DPYD: variants seen among roughly 807,000 people sequenced by gnomAD.
The protein encoded by DPYD is dihydropyrimidine dehydrogenase.
Under a neutral mutation model 116.2 loss-of-function variants are expected in DPYD, and 109 were observed. The observed-to-expected ratio is 0.94, with a 90% CI of 0.80 to 1.10. DPYD has a LOEUF of 1.10. Among genes scored for constraint, DPYD ranks in the 50% least tolerant of loss-of-function variants. The pLI, the probability that DPYD is intolerant of heterozygous loss-of-function variation, is 0.00. For synonymous variants in DPYD, 440 were observed against 432.0 expected (o/e 1.02, Z -0.23); for missense variants, 1,302 against 1,254.5 (o/e 1.04, Z -0.57).
chr1:97,615,816 C>G (rs1162605164), intron 8 of DPYD, among the ~76,000 whole-genome samples: 1 of 152,134 alleles, frequency 6.6e-6, no homozygotes, highest in Non-Finnish European at 1.5e-5. Context: ...CCCCCAACCC[C>G]TTCAGCAATT....
chr1:97,831,912 T>G (rs1669553582), intron 2 of DPYD, among the ~76,000 whole-genome samples: 1 of 152,106 alleles, frequency 6.6e-6, no homozygotes, highest in Admixed American at 6.6e-5. Flanking sequence ...AGGTACTAAA[T>G]TTAATGCCGA....
At chr1:97,579,764 C>A (rs902420838) in intron 10 of DPYD, among the ~76,000 whole-genome samples, 1 of 152,160 alleles carries the variant, frequency 6.6e-6, no homozygotes, top group African/African-American at 2.4e-5. Context: ...AGCAAACATG[C>A]CAACCTCTCT....
intron 2 of DPYD, among the ~76,000 whole-genome samples, chr1:97,866,102 C>T (rs1292222646): frequency 2.6e-5 from 4 of 151,904 alleles, no homozygotes; most frequent in Admixed American, 1.3e-4. Flanking sequence ...AGATAACTTC[C>T]TTACTTAGCA....
chr1:97,740,738 T>C (rs1664219779), intron 3 of DPYD, among the ~76,000 whole-genome samples: 1 of 152,188 alleles, frequency 6.6e-6, no homozygotes, highest in African/African-American at 2.4e-5. Flanking sequence ...AAGAGAATCA[T>C]ACTTATTTAG....
At chr1:97,507,428 C>T (rs957416299) in intron 13 of DPYD, among the ~76,000 whole-genome samples, 6 of 150,560 alleles carry the variant, frequency 4.0e-5, no homozygotes, top group African/African-American at 1.2e-4. Context: ...AAAAATAATG[C>T]ACTGGACTAT....
chr1:97,389,833 G>A (rs1213440634), intron 14 of DPYD, among the ~76,000 whole-genome samples: 1 of 147,424 alleles, frequency 6.8e-6, no homozygotes, highest in Non-Finnish European at 1.5e-5. Context: ...GTATCTCAAA[G>A]GTGAAAAACA....
intron 16 of DPYD, among the ~76,000 whole-genome samples, chr1:97,332,798 T>C (rs1669081315): frequency 6.6e-6 from 1 of 152,130 alleles, no homozygotes; most frequent in Non-Finnish European, 1.5e-5. Context: ...ATAATCTAAA[T>C]CTCTGAGAGT....
intron 13 of DPYD, among the ~76,000 whole-genome samples, chr1:97,510,962 G>T (rs1442477586): frequency 6.6e-6 from 1 of 151,794 alleles, no homozygotes; most frequent in African/African-American, 2.4e-5. Context: ...AGCCATCTCC[G>T]CAATTATAGC....
intron 1 of DPYD, among the ~76,000 whole-genome samples, chr1:97,913,345 T>C (rs972162548): frequency 6.6e-6 from 1 of 152,248 alleles, no homozygotes; most frequent in Non-Finnish European, 1.5e-5. Flanking sequence ...TTCCTTAATA[T>C]GAACACACAC....
At chr1:97,222,943 G>A (rs980914212) in intron 19 of DPYD, among the ~76,000 whole-genome samples, 4 of 151,972 alleles carry the variant, frequency 2.6e-5, no homozygotes, top group Admixed American at 2.6e-4. Flanking sequence ...AAAATTAGAA[G>A]TTATTGAATA....
chr1:97,271,685 G>C (rs1664590982), intron 18 of DPYD, among the ~76,000 whole-genome samples: 2 of 152,176 alleles, frequency 1.3e-5, no homozygotes, highest in African/African-American at 4.8e-5. Context: ...TAAATATATA[G>C]ATCATTTTCA....
intron 2 of DPYD, among the ~76,000 whole-genome samples, chr1:97,843,888 T>C (rs1670162168): frequency 6.6e-6 from 1 of 152,210 alleles, no homozygotes; most frequent in Admixed American, 6.5e-5. Context: ...AATATCTTTT[T>C]AAAATATGAA....
intron 14 of DPYD, among the ~76,000 whole-genome samples, chr1:97,445,265 G>A (rs1263240757): frequency 1.3e-5 from 2 of 152,206 alleles, no homozygotes; most frequent in African/African-American, 4.8e-5. Context: ...CCAGTTTACA[G>A]AGGCTGTGCA....
intron 14 of DPYD, among the ~76,000 whole-genome samples, chr1:97,446,954 AG>A (rs1676118987): frequency 6.6e-6 from 1 of 152,122 alleles, no homozygotes; most frequent in African/African-American, 2.4e-5. Context: ...GATAAATAAA[AG>A]GAAACCTTGA....
At chr1:97,774,164 C>T (rs1666282156) in intron 3 of DPYD, among the ~76,000 whole-genome samples, 2 of 152,168 alleles carry the variant, frequency 1.3e-5, no homozygotes, top group Non-Finnish European at 2.9e-5. Context: ...GTTGCATGCC[C>T]TGTGAGGGGG....
intron 14 of DPYD, among the ~76,000 whole-genome samples, chr1:97,432,800 A>T (rs1325374724): frequency 6.6e-6 from 1 of 152,166 alleles, no homozygotes; most frequent in African/African-American, 2.4e-5. Flanking sequence ...AGTTAAGCAG[A>T]GTCTGGGTTG....
chr1:97,560,439 T>C (rs1652058677), intron 11 of DPYD, among the ~76,000 whole-genome samples: 2 of 151,890 alleles, frequency 1.3e-5, no homozygotes, highest in South Asian at 2.1e-4. Context: ...TCTGAAGTTA[T>C]GGACAAAGTA....
At chr1:97,451,702 G>A (rs1356188744) in intron 13 of DPYD, among the ~76,000 whole-genome samples, 1 of 152,120 alleles carries the variant, frequency 6.6e-6, no homozygotes, top group Non-Finnish European at 1.5e-5. Flanking sequence ...TATGTTCTAC[G>A]TCCCTACAGG....
At chr1:97,434,537 T>C (rs997116225) in intron 14 of DPYD, among the ~76,000 whole-genome samples, 10 of 152,052 alleles carry the variant, frequency 6.6e-5, no homozygotes, top group Admixed American at 3.9e-4. Flanking sequence ...CAGTCTTGAT[T>C]AGTTAGGAGC....
Sources: gnomAD v4.1 joint callset for allele counts (sites outside exome capture counted in the v4.1 genomes callset) on GRCh38, gnomAD v4.1.1 for gene constraint, MANE v1.5 for transcripts, NCBI Gene and HGNC (gene_info 2026-07-23, HGNC 2026-07-21) for gene names.